The following ZNF536 variants were observed in gnomAD, a reference collection of about 807,000 sequenced individuals.
The protein encoded by ZNF536 is zinc finger protein 536.
Under a neutral mutation model 84.5 loss-of-function variants are expected in ZNF536, and 13 were observed. The observed-to-expected ratio is 0.15, with a 90% CI of 0.10 to 0.24. The LOEUF is 0.24. Among genes scored for constraint, ZNF536 ranks in the 10% least tolerant of loss-of-function variants. The probability of loss-of-function intolerance (pLI) is 1.00; values close to 1 mark genes in which losing one functional copy is unlikely to be tolerated. For missense variants in ZNF536, 1,536 were observed against 1,747.5 expected, an observed-to-expected ratio of 0.88 and a Z score of 2.16; for synonymous variants, 811 against 742.5, an observed-to-expected ratio of 1.09 and a Z score of -1.50.
chr19:30,399,384 T>C (rs1021269994), intron 1 of ZNF536, among the ~76,000 whole-genome samples: 1 of 152,150 alleles, frequency 6.6e-6, no homozygotes, highest in Admixed American at 6.5e-5. Context: ...ACTCTGATGA[T>C]AGTTTCTTTT....
chr19:30,596,104 G>T (rs1467005290), intron 1 of ZNF536, among the ~76,000 whole-genome samples: 1 of 152,150 alleles, frequency 6.6e-6, no homozygotes, highest in African/African-American at 2.4e-5. Context: ...GGGACATACT[G>T]TTCTTTCTTC....
At chr19:30,358,758 G>A (rs564116107) in intron 3 of ZNF536, among the ~76,000 whole-genome samples, 8 of 152,168 alleles carry the variant, frequency 5.3e-5, no homozygotes, top group Non-Finnish European at 1.2e-4. Context: ...AGGTGATTTC[G>A]GATGCCCTTC....
At chr19:30,300,989 G>T (rs1257146952) in intron 2 of ZNF536, among the ~76,000 whole-genome samples, 1 of 152,250 alleles carries the variant, frequency 6.6e-6, no homozygotes, top group African/African-American at 2.4e-5. Context: ...TTTGATAGGA[G>T]AGGCTGGGTC....
chr19:30,389,185 C>T (rs1308474317), intron 1 of ZNF536, among the ~76,000 whole-genome samples: 1 of 152,226 alleles, frequency 6.6e-6, no homozygotes, highest in African/African-American at 2.4e-5. Flanking sequence ...CGAAGCCAGG[C>T]CTGGTTCTCC....
At chr19:30,699,789 G>T (rs956547149) in intron 1 of ZNF536, among the ~76,000 whole-genome samples, 1 of 152,138 alleles carries the variant, frequency 6.6e-6, no homozygotes, top group Non-Finnish European at 1.5e-5. Flanking sequence ...GGTCAAAGTG[G>T]TAAATATTCA....
chr19:30,401,402 C>T (rs1568393536), intron 1 of ZNF536, among the ~76,000 whole-genome samples: 1 of 152,182 alleles, frequency 6.6e-6, no homozygotes, highest in African/African-American at 2.4e-5. Flanking sequence ...CCCCATGTCC[C>T]AGTACCTCTG....
intron 1 of ZNF536, among the ~76,000 whole-genome samples, chr19:30,613,350 A>G (rs2048168672): frequency 6.6e-6 from 1 of 152,200 alleles, no homozygotes; most frequent in Non-Finnish European, 1.5e-5. Flanking sequence ...TCTTGCCTGT[A>G]ACAATTATTA....
chr19:30,513,774 G>A, intron 2 of ZNF536, among the ~76,000 whole-genome samples: 1 of 152,210 alleles, frequency 6.6e-6, no homozygotes. Context: ...TGTTTTGGAG[G>A]TGGAGCAAGG....
At chr19:30,378,259 C>A (rs2048891255) in intron 1 of ZNF536, among the ~76,000 whole-genome samples, 1 of 152,198 alleles carries the variant, frequency 6.6e-6, no homozygotes, top group African/African-American at 2.4e-5. Context: ...CTCCGTGGTT[C>A]AAGCCATTCT....
chr19:30,305,949 A>T (rs1032669412), intron 2 of ZNF536, among the ~76,000 whole-genome samples: 1 of 152,182 alleles, frequency 6.6e-6, no homozygotes, highest in Admixed American at 6.5e-5. Context: ...TAGTGATTTG[A>T]TCTGACAGAG....
chr19:30,402,398 T>C (rs753469926), intron 1 of ZNF536, among the ~76,000 whole-genome samples: 1 of 152,180 alleles, frequency 6.6e-6, no homozygotes, highest in Non-Finnish European at 1.5e-5. Flanking sequence ...GTTATACTGA[T>C]GTCAGGTTCA....
At chr19:30,336,588 G>A (rs112354654) in intron 2 of ZNF536, among the ~76,000 whole-genome samples, 1,680 of 152,268 alleles carry the variant, frequency 0.011, 36 homozygotes, top group African/African-American at 0.038. Flanking sequence ...CTTGGAGGCA[G>A]AGAGGACAGA....
At chr19:30,565,308 T>C (rs2046312362) in intron 1 of ZNF536, among the ~76,000 whole-genome samples, 1 of 152,058 alleles carries the variant, frequency 6.6e-6, no homozygotes, top group Non-Finnish European at 1.5e-5. Flanking sequence ...TCCATCTACT[T>C]ACCCGGGGAG....
downstream of ZNF536, among the ~76,000 whole-genome samples, chr19:30,562,444 A>G (rs1449956041): frequency 6.6e-6 from 1 of 152,136 alleles, no homozygotes; most frequent in African/African-American, 2.4e-5. Context: ...TTAATTGTGG[A>G]AGTCTGTTAA....
chr19:30,710,527 C>T (rs1444874238), intron 1 of ZNF536, among the ~76,000 whole-genome samples: 1 of 152,140 alleles, frequency 6.6e-6, no homozygotes, highest in East Asian at 1.9e-4. Context: ...AGATGAGGAA[C>T]GGGACTTGAT....
chr19:30,398,234 C>G (rs1332417115), intron 1 of ZNF536, among the ~76,000 whole-genome samples: 1 of 152,164 alleles, frequency 6.6e-6, no homozygotes, highest in Non-Finnish European at 1.5e-5. Flanking sequence ...ACCACAAGAT[C>G]TCCCTCATCT....
chr19:30,700,180 TTTTCTTTCCTTCTTTCTTTCCTTC>T (rs1212908402), intron 1 of ZNF536, among the ~76,000 whole-genome samples: 1 of 126,618 alleles, frequency 7.9e-6, no homozygotes, highest in African/African-American at 3.0e-5. Flanking sequence ...TCCTTCTTTC[TTTTCTTTCCTTCTTTCTTTCCTTC>T]TTTCTTTCCT....
chr19:30,440,908 T>C, intron 1 of ZNF536, among the ~76,000 whole-genome samples: 1 of 151,718 alleles, frequency 6.6e-6, no homozygotes, highest in South Asian at 2.1e-4. Flanking sequence ...GATAGATAGA[T>C]AGATAGATAG....
At chr19:30,704,465 G>C (rs2052133750) in intron 1 of ZNF536, among the ~76,000 whole-genome samples, 1 of 151,870 alleles carries the variant, frequency 6.6e-6, no homozygotes, top group Non-Finnish European at 1.5e-5. Context: ...TGACCAACCT[G>C]GTGAAACCCC....
Sources: allele counts gnomAD v4.1 joint callset (sites outside exome capture counted in the v4.1 genomes callset), GRCh38; gene constraint gnomAD v4.1.1; transcripts MANE v1.5; gene names NCBI Gene and HGNC (gene_info 2026-07-23, HGNC 2026-07-21).